MINPP1: variants seen among roughly 807,000 people sequenced by gnomAD.
The protein encoded by MINPP1 is multiple inositol polyphosphate phosphatase 1.
Under a neutral mutation model 46.1 loss-of-function variants are expected in MINPP1, and 28 were observed. The observed-to-expected ratio is 0.61, with a 90% CI of 0.45 to 0.83. MINPP1 has a LOEUF of 0.83. MINPP1 is among the 40% of genes least tolerant of loss of function. The pLI is 0.00. For synonymous variants in MINPP1, 268 were observed against 249.1 expected (o/e 1.08, Z -0.72); for missense variants, 603 against 610.0 (o/e 0.99, Z 0.12).
intron 4 of MINPP1, among the ~76,000 whole-genome samples, chr10:87,548,281 T>A (rs567180246): frequency 6.6e-6 from 1 of 152,248 alleles, no homozygotes; most frequent in East Asian, 1.9e-4. Flanking sequence ...GAGCCAGAAA[T>A]GTTTCATTTG....
intron 3 of MINPP1, among the ~76,000 whole-genome samples, chr10:87,514,704 C>T (rs1237561460): frequency 6.6e-6 from 1 of 152,070 alleles, no homozygotes; most frequent in East Asian, 1.9e-4. Flanking sequence ...GTCTGCTTGT[C>T]ATGTCATTGA....
intron 3 of MINPP1, among the ~76,000 whole-genome samples, chr10:87,519,081 C>T (rs1382734580): frequency 6.6e-6 from 1 of 152,138 alleles, no homozygotes; most frequent in Non-Finnish European, 1.5e-5. Flanking sequence ...GATTCTGTTT[C>T]CTGAGGCCTG....
Position 87,513,148 on chromosome 10 carries a change from C to T in MINPP1, c.860C>T (p.Thr287Ile), listed in dbSNP as rs1248593015. ...NADLIQVAFFTCSFDLAIKGV... is the reference protein window; with the variant it reads ...NADLIQVAFFICSFDLAIKGV... ...GATTTAATTCAAGTAGCCTTTTTCA[C>T]CTGTTCATTTGACCTGGCAATTAAA... The change falls in exon 3 of 5, where the codon ACC becomes ATC. Residue 287 changes from threonine (T) to isoleucine (I), a missense_variant. Coordinates refer to ENST00000371996, the MANE Select transcript of MINPP1 (RefSeq NM_004897.5). 5.6e-6 allele frequency: 9 copies of T among 1,613,648 alleles called. No homozygotes were observed. Among genetic ancestry groups the T allele is most frequent in the East Asian group, 2.2e-5 (1 of 44,802 alleles).
intron 1 of MINPP1, 186 bp from the exon 2 acceptor site, chr10:87,508,150 C>A: frequency 2.0e-6 from 3 of 1,536,486 alleles, no homozygotes; most frequent in South Asian, 1.2e-5. Flanking sequence ...TATTCTCATG[C>A]GTTACAGCCA....
chr10:87,521,886 T>C (rs1851507059), intron 4 of MINPP1, among the ~76,000 whole-genome samples: 1 of 152,234 alleles, frequency 6.6e-6, no homozygotes, highest in Non-Finnish European at 1.5e-5. Context: ...TGATAGAACC[T>C]CAATTCCAGG....
At chr10:87,528,536 T>C (rs1212708854) in intron 4 of MINPP1, among the ~76,000 whole-genome samples, 1 of 152,268 alleles carries the variant, frequency 6.6e-6, no homozygotes, top group African/African-American at 2.4e-5. Context: ...AGTTTCTTAA[T>C]CCTGAGTTCT....
intron 4 of MINPP1, among the ~76,000 whole-genome samples, chr10:87,531,780 T>G (rs1851663956): frequency 6.6e-6 from 1 of 152,214 alleles, no homozygotes; most frequent in Non-Finnish European, 1.5e-5. Flanking sequence ...CTTCATGCTA[T>G]GTATGTAAGG....
intron 4 of MINPP1, among the ~76,000 whole-genome samples, chr10:87,528,744 G>C (rs1220706750): frequency 6.6e-6 from 1 of 152,210 alleles, no homozygotes; most frequent in African/African-American, 2.4e-5. Context: ...GCAGAGCTGA[G>C]TTCAATTCCT....
At chr10:87,537,124 A>T (rs1018943214) in intron 4 of MINPP1, among the ~76,000 whole-genome samples, 1 of 151,820 alleles carries the variant, frequency 6.6e-6, no homozygotes, top group Non-Finnish European at 1.5e-5. Flanking sequence ...TTTAGTAGAG[A>T]TGGGGTTTCA....
rs370042452 is a variant in MINPP1, at chr10:87,552,074, A to G, written c.1068-8A>G. The stretch of plus-strand genomic sequence containing the variant: ...TATACCTTATTTTCTCTTAATTTCT[A>G]TTTGAAGGTCTCAGCCAATTTCTTC... On this transcript the variant is annotated splice_region_variant and splice_polypyrimidine_tract_variant and intron_variant, in intron 4 of 4. Coordinates refer to ENST00000371996, the MANE Select transcript of MINPP1 (RefSeq NM_004897.5). The G allele has an allele frequency of 2.7e-5, 44 of 1,605,932 alleles. No homozygotes were observed. The highest frequency in any genetic ancestry group is 4.0e-5 in the African/African-American group (3 of 74,484).
chr10:87,552,047 T>C (rs1215386959), intron 4 of MINPP1, 35 bp from the exon 5 acceptor site: 1 of 1,524,660 alleles, frequency 6.6e-7, no homozygotes, highest in Non-Finnish European at 9.0e-7. Context: ...GACATTAATA[T>C]ATATACCTTA....
rs368747611 is a variant in MINPP1 at position 87,505,347 on chromosome 10, G to A, written c.432G>A (p.Gly144=). ...WPLWYADWMD[G]QLVEKGRQDM... ...TGTGGTACGCGGACTGGATGGACGG[G>A]CAGCTAGTAGAGAAGGGACGGCAGG... The change falls in exon 1 of 5, where the codon GGG becomes GGA. Residue 144 remains glycine, a synonymous_variant. Transcript: ENST00000371996. This position sits in a 1 kb window ranked among gnomAD's most constrained non-coding sequence, Gnocchi z 4.4. 1.2e-6 allele frequency: 2 copies of A among 1,613,942 alleles called. No individual in the cohort carries two copies. Among genetic ancestry groups the A allele is most frequent in the Middle Eastern group, 3.3e-4 (2 of 6,060 alleles).
intron 4 of MINPP1, among the ~76,000 whole-genome samples, chr10:87,538,686 T>G (rs1470710020): frequency 6.6e-6 from 1 of 152,224 alleles, no homozygotes; most frequent in Non-Finnish European, 1.5e-5. Flanking sequence ...AATTTTTTTC[T>G]GGTAATTTTC....
At chr10:87,515,202 T>A (rs1056359865) in intron 3 of MINPP1, among the ~76,000 whole-genome samples, 2 of 151,602 alleles carry the variant, frequency 1.3e-5, no homozygotes, top group Non-Finnish European at 2.9e-5. Flanking sequence ...GCCTGGCCAA[T>A]GTGGTGAAAC....
intron 4 of MINPP1, among the ~76,000 whole-genome samples, chr10:87,533,533 T>C (rs773042503): frequency 2.1e-4 from 32 of 152,342 alleles, no homozygotes; most frequent in Non-Finnish European, 4.4e-4. Context: ...TCCTTCCCCA[T>C]ATATCTGTTA....
chr10:87,550,659 C>A (rs1486009632), intron 4 of MINPP1, among the ~76,000 whole-genome samples: 1 of 151,838 alleles, frequency 6.6e-6, no homozygotes, highest in South Asian at 2.1e-4. Flanking sequence ...CTCACAGAGC[C>A]CCCCCGTTCT....
At chr10:87,512,218 T>C (rs966100569) in intron 2 of MINPP1, among the ~76,000 whole-genome samples, 4 of 152,204 alleles carry the variant, frequency 2.6e-5, no homozygotes, top group African/African-American at 9.7e-5. Context: ...CATTCCCTTA[T>C]CACTTCTCTT....
chr10:87,531,784 T>G (rs1851664052), intron 4 of MINPP1, among the ~76,000 whole-genome samples: 1 of 152,194 alleles, frequency 6.6e-6, no homozygotes, highest in Non-Finnish European at 1.5e-5. Flanking sequence ...ATGCTATGTA[T>G]GTAAGGTGTA....
At chr10:87,509,738 A>G (rs1435090253) in intron 2 of MINPP1, 1 of 357,674 alleles carries the variant, frequency 2.8e-6, no homozygotes, top group Non-Finnish European at 5.7e-6. Context: ...TAAGAGTGGT[A>G]TCAAAGTTTA....
Sources: gnomAD v4.1 joint callset for allele counts (sites outside exome capture counted in the v4.1 genomes callset) on GRCh38, gnomAD v4.1.1 for gene constraint, Gnocchi (gnomAD v3.1) non-coding constraint, MANE v1.5 for transcripts, NCBI Gene and HGNC (gene_info 2026-07-23, HGNC 2026-07-21) for gene names.